Variants in MDN1 observed in about 807,000 individuals in gnomAD.
MDN1 encodes midasin.
Under a neutral mutation model 669.2 loss-of-function variants are expected in MDN1, and 266 were observed. The observed-to-expected ratio is 0.40, with a 90% CI of 0.36 to 0.44. The LOEUF (loss-of-function observed/expected upper bound fraction) is 0.44, where lower values mean the gene tolerates loss of function less well. Among genes scored for constraint, MDN1 ranks in the 20% least tolerant of loss-of-function variants. The probability of loss-of-function intolerance (pLI) is 1.00; values close to 1 mark genes in which losing one functional copy is unlikely to be tolerated. For missense variants in MDN1, 5,940 were observed against 6,754.0 expected (o/e 0.88, Z 4.22); for synonymous variants, 2,385 against 2,457.1 (o/e 0.97, Z 0.87).
rs749746444 is a variant in MDN1, at chr6:89,732,809, TA to T, written c.4724-35del. On this transcript the variant is annotated intron_variant, in intron 33 of 101. Coordinates refer to ENST00000369393, the MANE Select transcript of MDN1 (RefSeq NM_014611.3). ...AAGAAACAAAAAAAGCATTTGCTGT[TA>T]ACGGGAGATCCCAGAACAAAAGTTC... The T allele has an allele frequency of 7.5e-6, 12 of 1,595,948 alleles. No individual in the cohort carries two copies. In the South Asian group the frequency reaches 1.2e-4, roughly 16 times the overall value.
At chr6:89,670,166 A>ATTTTTTTTTTTTTTTTTTTTTTTTTTTTT (rs1482501704) in intron 83 of MDN1, among the ~76,000 whole-genome samples, 1 of 17,716 alleles carries the variant, frequency 5.6e-5, no homozygotes, top group Admixed American at 1.1e-3. Flanking sequence ...ATATATATAT[A>ATTTTTTTTTTTTTTTTTTTTTTTTTTTTT]TATATTTTTT....
chr6:89,815,003 G>A (rs1768720220), intron 1 of MDN1: 3 of 601,362 alleles, frequency 5.0e-6, no homozygotes, highest in Admixed American at 2.7e-5. Context: ...AGCACCAAGT[G>A]TCTGGTGGAG....
chr6:89,653,045 G>T lies in MDN1; in HGVS notation c.15772C>A (p.Arg5258=), dbSNP rs1311244151. 3.7e-6 allele frequency: 6 copies of T among 1,613,960 alleles called. No individual in the cohort carries two copies. Among genetic ancestry groups the T allele is most frequent in the African/African-American group, 2.7e-5 (2 of 74,884 alleles). The part of the protein sequence containing the change: ...ETENEKPERS[R]ESTIHTAHQF... Reference sequence around the variant, plus strand: ...TGAGCTGTATGAATGGTAGACTCTCGGCTTCTTTCTGGTTTCTCATTTTCT... The same window carrying T: ...TGAGCTGTATGAATGGTAGACTCTCTGCTTCTTTCTGGTTTCTCATTTTCT... The change falls in exon 94 of 102, where the codon CGA becomes AGA. Residue 5258 remains arginine (R), a synonymous_variant. Transcript: ENST00000369393.
Position 89,648,044 on chromosome 6 carries a change from G to C in MDN1, c.16383C>G (p.Thr5461=), listed in dbSNP as rs943499782. Residue 5461 remains threonine (T), a synonymous_variant, in exon 99 of 102, where the codon ACC becomes ACG. Transcript: ENST00000369393. ...TTCATCCTCTTACCTGAGCAATCTTGGTTTTCTTTTGTTGGAATTTGCAGA... is the reference window on the plus strand; with the variant it reads ...TTCATCCTCTTACCTGAGCAATCTTCGTTTTCTTTTGTTGGAATTTGCAGA... ...LRLCKFQQKK[T]KIAQFLESVA... 30 of 1,611,476 alleles carry C rather than the reference G, an allele frequency of 1.9e-5. No individual in the cohort carries two copies. The highest frequency in any genetic ancestry group is 2.5e-5 in the Non-Finnish European group (30 of 1,177,588).
intron 99 of MDN1, among the ~76,000 whole-genome samples, chr6:89,647,158 C>T (rs1441653617): frequency 6.6e-6 from 1 of 152,114 alleles, no homozygotes; most frequent in Non-Finnish European, 1.5e-5. Flanking sequence ...GGAAGATACC[C>T]CAAAGGAAAA....
chr6:89,696,306 TGCTGTGGAGAAAAGACA>T, intron 60 of MDN1, 37 bp downstream of exon 60: 1 of 1,541,506 alleles, frequency 6.5e-7, no homozygotes, highest in Non-Finnish European at 9.0e-7. Context: ...CTCTGCTCCA[TGCTGTGGAGAAAAGACA>T]GGAACTTTAC....
At chr6:89,792,882 G>A (rs1011760253) in intron 5 of MDN1, among the ~76,000 whole-genome samples, 1 of 151,992 alleles carries the variant, frequency 6.6e-6, no homozygotes, top group African/African-American at 2.4e-5. Flanking sequence ...AGCCAGGCAT[G>A]GTGGCAGGCA....
At chr6:89,673,956 A>AT in intron 79 of MDN1, 148 bp downstream of exon 79, 2 of 81,750 alleles carry the variant, frequency 2.4e-5, no homozygotes, top group Non-Finnish European at 4.6e-5. Flanking sequence ...ACCCCACCCC[A>AT]TCCCCCAAAC....
intron 100 of MDN1, 83 bp from the exon 101 acceptor site, chr6:89,645,240 T>G: frequency 7.0e-7 from 1 of 1,428,928 alleles, no homozygotes. Context: ...TAGGACAAAT[T>G]AGTGTAGGCT....
At chr6:89,680,819 A>C in intron 73 of MDN1, 68 bp from the exon 74 acceptor site, 6 of 1,532,940 alleles carry the variant, frequency 3.9e-6, no homozygotes, top group Non-Finnish European at 5.3e-6. Context: ...AAGGGAACTA[A>C]ATTTAACTGT....
Position 89,710,807 on chromosome 6 carries a change from G to A in MDN1, c.7652-13C>T, listed in dbSNP as rs1247632216. On this transcript the variant is annotated splice_polypyrimidine_tract_variant and intron_variant, in intron 49 of 101. Coordinates refer to ENST00000369393, the MANE Select transcript of MDN1 (RefSeq NM_014611.3). The stretch of plus-strand genomic sequence containing the variant: ...ATTTGTATGGACTCTGTGGAGGAAG[G>A]AGAAACCAGTGTTAGACTCTAAAGC... The A allele has an allele frequency of 6.6e-7, 1 of 1,506,270 alleles. No homozygotes were observed. 93.3% of individuals were successfully genotyped at this position (1,506,270 alleles called of 1,614,324 possible).
In MDN1 at chr6:89,743,167, G is replaced by A. The variant is rs1390048494; in HGVS notation, c.4431C>T (p.Val1477=). 2.5e-6 allele frequency: 4 copies of A among 1,614,008 alleles called. No individual in the cohort carries two copies. The highest frequency in any genetic ancestry group is 1.1e-5 in the South Asian group (1 of 91,066). ...GCACGTACCTGTTGAGTCTTTCCAAGACAGAGTCATCGGCCAATGAGATCT... is the reference window on the plus strand; with the variant it reads ...GCACGTACCTGTTGAGTCTTTCCAAAACAGAGTCATCGGCCAATGAGATCT... The part of the protein sequence containing the change: ...LDEISLADDS[V]LERLNSVLEV... Residue 1477 remains valine, a synonymous_variant, in exon 31 of 102, where the codon GTC becomes GTT. Coordinates refer to ENST00000369393, the MANE Select transcript of MDN1 (RefSeq NM_014611.3).
rs369597682 is a variant in MDN1, at chr6:89,757,043, A to G, written c.2703-653T>C. ...AACAAGCCCCCTCATCATCAAAGAC[A>G]AAATGGTTGAAGAGAAAACAACTAC... On this transcript the variant is annotated intron_variant, in intron 19 of 101. Coordinates refer to ENST00000369393, the MANE Select transcript of MDN1 (RefSeq NM_014611.3). Among the ~76,000 whole-genome samples the G allele has an allele frequency of 5.3e-5, 8 of 152,320 alleles. No homozygotes were observed. In the East Asian group the frequency reaches 9.6e-4, roughly 18 times the overall value.
At chr6:89,753,455 A>T in intron 22 of MDN1, 57 bp downstream of exon 22, 1 of 1,350,826 alleles carries the variant, frequency 7.4e-7, no homozygotes, top group Non-Finnish European at 1.0e-6. Flanking sequence ...AAACAGCTGA[A>T]AATTTGGTAA....
At chr6:89,658,403 G>A in intron 89 of MDN1, 33 bp from the exon 90 acceptor site, 1 of 1,613,118 alleles carries the variant, frequency 6.2e-7, no homozygotes, top group Non-Finnish European at 8.5e-7. Context: ...AGCATTAAAT[G>A]CTCTGGGGGA....
chr6:89,644,809 GGGAA>G (rs776573617), intron 101 of MDN1, among the ~76,000 whole-genome samples: 4 of 152,138 alleles, frequency 2.6e-5, no homozygotes, highest in Non-Finnish European at 5.9e-5. Context: ...AGTGTAAAGT[GGGAA>G]TAATGATCCC....
intron 97 of MDN1, among the ~76,000 whole-genome samples, chr6:89,649,269 T>C (rs990726847): frequency 5.9e-5 from 9 of 152,244 alleles, no homozygotes; most frequent in Non-Finnish European, 8.8e-5. Flanking sequence ...TATGAGGTTA[T>C]TACTATTCTA....
At chr6:89,783,040 G>A (rs989692618) in intron 9 of MDN1, among the ~76,000 whole-genome samples, 2 of 152,138 alleles carry the variant, frequency 1.3e-5, no homozygotes, top group Non-Finnish European at 2.9e-5. Flanking sequence ...TAAAACATGT[G>A]TGTTTGAACA....
intron 97 of MDN1, among the ~76,000 whole-genome samples, chr6:89,648,859 C>T (rs1266571155): frequency 1.3e-5 from 2 of 151,026 alleles, no homozygotes; most frequent in African/African-American, 4.9e-5. Context: ...TGACACACAC[C>T]TATGGTCCCA....
Sources: gnomAD v4.1 joint callset for allele counts (sites outside exome capture counted in the v4.1 genomes callset) on GRCh38, gnomAD v4.1.1 for gene constraint, MANE v1.5 for transcripts, NCBI Gene and HGNC (gene_info 2026-07-23, HGNC 2026-07-21) for gene names.